ICA1: variants seen among roughly 807,000 people sequenced by gnomAD.
ICA1 encodes 69 kDa islet cell autoantigen.
A neutral mutation model predicts 71.0 loss-of-function variants in ICA1; 40 were observed. That is an observed-to-expected ratio of 0.56 (90% CI 0.44 to 0.73). The LOEUF is 0.73. Among genes scored for constraint, ICA1 ranks in the 30% least tolerant of loss-of-function variants. The probability of loss-of-function intolerance (pLI) is 0.00; values close to 1 mark genes in which losing one functional copy is unlikely to be tolerated. For synonymous variants in ICA1, 207 were observed against 209.5 expected (o/e 0.99, Z 0.10); for missense variants, 578 against 576.5 (o/e 1.00, Z -0.03).
chr7:8,197,792 C>A (rs1198038524), intron 6 of ICA1, among the ~76,000 whole-genome samples: 1 of 151,806 alleles, frequency 6.6e-6, no homozygotes, highest in Non-Finnish European at 1.5e-5. Context: ...ACTAAATGAA[C>A]AGACCCAAGA....
At chr7:8,233,513 C>A (rs986353541) in intron 2 of ICA1, among the ~76,000 whole-genome samples, 2 of 151,688 alleles carry the variant, frequency 1.3e-5, no homozygotes, top group African/African-American at 4.8e-5. Context: ...CCTGCCTAGG[C>A]CTCCTGAGTA....
At chr7:8,239,690 G>A (rs1390076626) in intron 1 of ICA1, among the ~76,000 whole-genome samples, 5 of 152,294 alleles carry the variant, frequency 3.3e-5, no homozygotes, top group South Asian at 2.1e-4. Context: ...GGACACTGCC[G>A]CCCAAATACT....
intron 6 of ICA1, among the ~76,000 whole-genome samples, chr7:8,174,445 G>A (rs111648380): frequency 2.6e-5 from 4 of 151,986 alleles, no homozygotes; most frequent in African/African-American, 9.7e-5. Flanking sequence ...CTTTAAATGT[G>A]CATATAAAGT....
intron 13 of ICA1, among the ~76,000 whole-genome samples, chr7:8,126,767 T>C (rs1175069685): frequency 1.3e-5 from 2 of 152,158 alleles, no homozygotes; most frequent in Non-Finnish European, 2.9e-5. Flanking sequence ...TGTTTTACAA[T>C]TAAAGTCACA....
intron 12 of ICA1, among the ~76,000 whole-genome samples, chr7:8,134,636 C>T (rs76163084): frequency 0.036 from 5,449 of 152,150 alleles, 112 homozygotes; most frequent in Middle Eastern, 0.075. Flanking sequence ...ATCCTCACAT[C>T]GCCCAAAGAG....
At chr7:8,115,809 G>C (rs1368094352) in intron 13 of ICA1, among the ~76,000 whole-genome samples, 1 of 152,384 alleles carries the variant, frequency 6.6e-6, no homozygotes, top group Non-Finnish European at 1.5e-5. Flanking sequence ...TGTCCCAAAA[G>C]AGAACAGATC....
At position 8,222,817 on chromosome 7, in the gene ICA1, T is replaced by C. The variant is rs7800813; in HGVS notation, c.257-1419A>G. Among the ~76,000 whole-genome samples the C allele has an allele frequency of 0.13, 19,351 of 152,172 alleles. 3,310 individuals are homozygous for C. The highest frequency in any genetic ancestry group is 0.39 in the African/African-American group (16,226 of 41,422). ...TGATCCCTATTTCTCCGGACAGCAG[T>C]GCTCTCTGGGCACCTGACTTAGCAC... On this transcript the variant is annotated intron_variant, in intron 4 of 13. Transcript: ENST00000402384. The surrounding 1 kb of genome is among the most constrained non-coding windows in gnomAD (Gnocchi z 4.8).
intron 9 of ICA1, among the ~76,000 whole-genome samples, chr7:8,143,659 GT>G (rs1442434123): frequency 6.6e-6 from 1 of 152,194 alleles, no homozygotes. Context: ...GCCCTTCTAA[GT>G]CCCCTGGAAA....
chr7:8,114,298 C>G lies in ICA1; in HGVS notation c.1331-254G>C, dbSNP rs577928084. Among the ~76,000 whole-genome samples the G allele has an allele frequency of 2.6e-5, 4 of 152,164 alleles. No homozygotes were observed. In the East Asian group the frequency reaches 7.7e-4, roughly 29 times the overall value. ...AACAAACTCCCACCTGCACCCCAACCCCACTAATGGCCATAGCCCATGAAA... is the reference window on the plus strand; with the variant it reads ...AACAAACTCCCACCTGCACCCCAACGCCACTAATGGCCATAGCCCATGAAA... On this transcript the variant is annotated intron_variant, in intron 13 of 13. Transcript: ENST00000402384.
intron 6 of ICA1, among the ~76,000 whole-genome samples, chr7:8,198,687 C>A (rs937605793): frequency 6.6e-6 from 1 of 152,140 alleles, no homozygotes; most frequent in African/African-American, 2.4e-5. Context: ...ATATGCTAAT[C>A]TGATGATTTG....
chr7:8,229,537 G>C (rs778936601), intron 3 of ICA1, among the ~76,000 whole-genome samples: 15 of 152,220 alleles, frequency 9.9e-5, no homozygotes, highest in Non-Finnish European at 1.8e-4. Context: ...CACTCAGTAA[G>C]GCAGGGCAAG....
At chr7:8,221,726 T>TCATA (rs1563074560) in intron 4 of ICA1, among the ~76,000 whole-genome samples, 1 of 152,202 alleles carries the variant, frequency 6.6e-6, no homozygotes, top group Non-Finnish European at 1.5e-5. Context: ...GTTGGGTTTG[T>TCATA]CAAGTATGAC....
chr7:8,128,114 C>T lies in ICA1; in HGVS notation c.1089G>A (p.Pro363=), dbSNP rs531812898. 2.9e-5 allele frequency: 47 copies of T among 1,614,156 alleles called. No individual in the cohort carries two copies. In the Admixed American group the frequency reaches 4.8e-4, roughly 17 times the overall value. The change falls in exon 13 of 14, where the codon CCG becomes CCA. Residue 363 remains proline, a synonymous_variant. Coordinates refer to ENST00000402384, the MANE Select transcript of ICA1 (RefSeq NM_001136020.3). ...CATCTTTGTCAGCACCTTCAGGTTC[C>T]GGGGTCCCTGCCACTGGTCCCAGGC... ...GACLGPVAGT[P]EPEGADKDDL...
At chr7:8,201,853 T>C (rs2348900) in intron 6 of ICA1, among the ~76,000 whole-genome samples, 73,796 of 151,896 alleles carry the variant, frequency 0.49, 22,014 homozygotes, top group South Asian at 0.75. Flanking sequence ...GGCTGAGGAT[T>C]TTAGAACATT....
intron 6 of ICA1, among the ~76,000 whole-genome samples, chr7:8,192,073 T>A (rs746723365): frequency 6.6e-6 from 1 of 152,182 alleles, no homozygotes. Context: ...AATAATTCAA[T>A]ATATATTTCC....
intron 1 of ICA1, among the ~76,000 whole-genome samples, chr7:8,249,827 A>G (rs759970467): frequency 2.0e-4 from 30 of 152,262 alleles, no homozygotes; most frequent in Non-Finnish European, 3.5e-4. Flanking sequence ...TACTCAGTTT[A>G]TTAGACTGAC....
intron 8 of ICA1, among the ~76,000 whole-genome samples, chr7:8,147,014 A>G (rs1189686060): frequency 6.6e-6 from 1 of 151,846 alleles, no homozygotes; most frequent in African/African-American, 2.4e-5. Flanking sequence ...ACTCACTTTT[A>G]AATTTTGTAA....
intron 13 of ICA1, among the ~76,000 whole-genome samples, chr7:8,124,207 G>A (rs1022752220): frequency 8.7e-5 from 12 of 137,192 alleles, no homozygotes; most frequent in African/African-American, 3.3e-4. Flanking sequence ...TGCAAGCTCC[G>A]CCTCCCGGGT....
At chr7:8,148,312 C>T (rs1041627408) in intron 8 of ICA1, among the ~76,000 whole-genome samples, 2 of 152,230 alleles carry the variant, frequency 1.3e-5, no homozygotes, top group Admixed American at 6.5e-5. Context: ...TTTTGCTTCA[C>T]CAACGCTTAT....
Sources: gnomAD v4.1 joint callset for allele counts (sites outside exome capture counted in the v4.1 genomes callset) on GRCh38, gnomAD v4.1.1 for gene constraint, Gnocchi (gnomAD v3.1) non-coding constraint, MANE v1.5 for transcripts, NCBI Gene and HGNC (gene_info 2026-07-23, HGNC 2026-07-21) for gene names.